DPP10: variants seen among roughly 807,000 people sequenced by gnomAD.
DPP10 encodes the protein inactive dipeptidyl peptidase 10.
In DPP10, 33 loss-of-function variants were observed where a neutral mutation model predicts 120.9. That is an observed-to-expected ratio of 0.27 (90% CI 0.21 to 0.37). DPP10 has a LOEUF of 0.37. Among genes scored for constraint, DPP10 ranks in the 10% least tolerant of loss-of-function variants. DPP10 has a pLI of 1.00. For missense variants in DPP10, 816 were observed against 942.8 expected (o/e 0.87, Z 1.76); for synonymous variants, 337 against 326.1 (o/e 1.03, Z -0.36).
intron 3 of DPP10, among the ~76,000 whole-genome samples, chr2:115,441,554 C>T (rs965926820): frequency 1.3e-5 from 2 of 152,038 alleles, no homozygotes; most frequent in Non-Finnish European, 2.9e-5. Flanking sequence ...ATCTGAGATG[C>T]CCTATGGTTA....
intron 1 of DPP10, among the ~76,000 whole-genome samples, chr2:115,173,290 C>G (rs1038479767): frequency 1.3e-5 from 2 of 152,114 alleles, no homozygotes; most frequent in Admixed American, 1.3e-4. Flanking sequence ...GCTGCTTGGA[C>G]TCAGAAATGT....
At chr2:115,187,050 T>TTTTTTTTC (rs1386239778) in intron 1 of DPP10, among the ~76,000 whole-genome samples, 8 of 108,260 alleles carry the variant, frequency 7.4e-5, no homozygotes, top group African/African-American at 3.2e-4. Flanking sequence ...TTTTTTTTTT[T>TTTTTTTTC]TTTTTGAGAC....
At chr2:115,725,770 C>T (rs1051856867) in intron 7 of DPP10, among the ~76,000 whole-genome samples, 1 of 152,088 alleles carries the variant, frequency 6.6e-6, no homozygotes, top group African/African-American at 2.4e-5. Context: ...CTCACAAGTC[C>T]CACTAGAAGT....
intron 3 of DPP10, among the ~76,000 whole-genome samples, chr2:115,402,469 CA>C (rs2068141444): frequency 6.6e-6 from 1 of 152,088 alleles, no homozygotes; most frequent in African/African-American, 2.4e-5. Flanking sequence ...TCACAATTTA[CA>C]CCACTAAAAT....
At chr2:115,466,261 T>C (rs2074319845) in intron 3 of DPP10, among the ~76,000 whole-genome samples, 1 of 152,164 alleles carries the variant, frequency 6.6e-6, no homozygotes, top group Non-Finnish European at 1.5e-5. Flanking sequence ...ACGTCTGATA[T>C]GGGAATTATA....
intron 1 of DPP10, among the ~76,000 whole-genome samples, chr2:115,174,795 A>G (rs1363668529): frequency 6.6e-6 from 1 of 152,182 alleles, no homozygotes; most frequent in Admixed American, 6.5e-5. Flanking sequence ...TCATGTTATT[A>G]AAGTTTTCTG....
intron 11 of DPP10, among the ~76,000 whole-genome samples, chr2:115,755,165 T>C (rs144723071): frequency 0.011 from 1,742 of 152,230 alleles, 15 homozygotes; most frequent in Middle Eastern, 0.038. Flanking sequence ...TTCGCATGTT[T>C]TTAAACTGCA....
chr2:114,489,156 C>T (rs142215468), intron 1 of DPP10, among the ~76,000 whole-genome samples: 174 of 152,306 alleles, frequency 1.1e-3, no homozygotes, highest in African/African-American at 3.8e-3. Flanking sequence ...CATCCATGCC[C>T]GGATCCCTTA....
chr2:115,268,101 TG>T (rs1378972862), intron 1 of DPP10, among the ~76,000 whole-genome samples: 2 of 152,230 alleles, frequency 1.3e-5, no homozygotes, highest in African/African-American at 4.8e-5. Context: ...TCATATGCTT[TG>T]ATGCTGGGGA....
chr2:114,957,000 A>AAAAAG (rs1479319375), intron 1 of DPP10, among the ~76,000 whole-genome samples: 2 of 151,488 alleles, frequency 1.3e-5, no homozygotes, highest in Admixed American at 1.3e-4. Flanking sequence ...AAAAAAAAAA[A>AAAAAG]AGAGAAAACT....
chr2:114,458,903 G>A (rs750416588), intron 1 of DPP10, among the ~76,000 whole-genome samples: 3 of 152,106 alleles, frequency 2.0e-5, no homozygotes, highest in Admixed American at 1.3e-4. Context: ...TGGGAAATGT[G>A]TTATAATGAA....
At chr2:115,100,209 C>T (rs2048611886) in intron 1 of DPP10, among the ~76,000 whole-genome samples, 1 of 152,094 alleles carries the variant, frequency 6.6e-6, no homozygotes, top group Non-Finnish European at 1.5e-5. Context: ...CTTTGGGAGG[C>T]CAAGGCAAGA....
intron 1 of DPP10, among the ~76,000 whole-genome samples, chr2:115,113,355 C>A (rs2049329289): frequency 6.6e-6 from 1 of 151,586 alleles, no homozygotes; most frequent in Non-Finnish European, 1.5e-5. Context: ...GGTTCTTTTG[C>A]CCCCAAATGT....
At chr2:115,371,790 GT>G (rs2065427863) in intron 3 of DPP10, among the ~76,000 whole-genome samples, 1 of 152,044 alleles carries the variant, frequency 6.6e-6, no homozygotes, top group Non-Finnish European at 1.5e-5. Context: ...ATAGAGGAAA[GT>G]TATAGGGAAA....
At position 115,006,835 on chromosome 2, in the gene DPP10, C is replaced by G. The variant is rs573216829; in HGVS notation, c.61-302404C>G. On this transcript the variant is annotated intron_variant, in intron 1 of 25. Coordinates refer to ENST00000410059, the MANE Select transcript of DPP10 (RefSeq NM_020868.6). ...GAGACAGAAAGTCAACAAGGATACC[C>G]AGGAATTGAACTCAGCTCTGCACCA... is the stretch of plus-strand genomic sequence containing the variant. Among the ~76,000 whole-genome samples, 527 of 151,744 alleles carry G rather than the reference C, an allele frequency of 3.5e-3. 2 individuals carry two copies. The highest frequency in any genetic ancestry group is 0.012 in the African/African-American group (488 of 41,412).
chr2:114,703,711 C>A (rs1008802945), intron 1 of DPP10, among the ~76,000 whole-genome samples: 4 of 152,102 alleles, frequency 2.6e-5, no homozygotes, highest in Admixed American at 2.0e-4. Flanking sequence ...CTGAAGTCCT[C>A]TAGATAGTAT....
At chr2:115,475,585 G>A (rs758877834) in intron 3 of DPP10, among the ~76,000 whole-genome samples, 11 of 152,120 alleles carry the variant, frequency 7.2e-5, no homozygotes, top group Non-Finnish European at 8.8e-5. Context: ...GTGAGAAGAG[G>A]GCCACCATCC....
intron 1 of DPP10, among the ~76,000 whole-genome samples, chr2:115,010,433 A>G (rs1702179710): frequency 6.6e-6 from 1 of 152,206 alleles, no homozygotes; most frequent in East Asian, 1.9e-4. Context: ...ATTGCTGAGA[A>G]TAAAAACAGA....
chr2:115,190,804 A>C (rs746844642), intron 1 of DPP10, among the ~76,000 whole-genome samples: 33 of 152,338 alleles, frequency 2.2e-4, no homozygotes, highest in Admixed American at 1.1e-3. Context: ...CCTGTCGCAC[A>C]TAACAGTCGC....
Sources: gnomAD v4.1 joint callset for allele counts (sites outside exome capture counted in the v4.1 genomes callset) on GRCh38, gnomAD v4.1.1 for gene constraint, MANE v1.5 for transcripts, NCBI Gene and HGNC (gene_info 2026-07-23, HGNC 2026-07-21) for gene names.